TNS3: variants seen among roughly 807,000 people sequenced by gnomAD.
TNS3 encodes tensin-3.
A neutral mutation model predicts 140.9 loss-of-function variants in TNS3; 45 were observed. The observed-to-expected ratio is 0.32, with a 90% CI of 0.25 to 0.41. TNS3 has a LOEUF of 0.41. Among genes scored for constraint, TNS3 ranks in the 10% least tolerant of loss-of-function variants. The pLI is 1.00. For missense variants in TNS3, 1,716 were observed against 1,906.7 expected, an observed-to-expected ratio of 0.90 and a Z score of 1.86; for synonymous variants, 815 against 788.4, an observed-to-expected ratio of 1.03 and a Z score of -0.56.
chr7:47,510,966 C>T (rs1261263499), intron 2 of TNS3, among the ~76,000 whole-genome samples: 1 of 151,902 alleles, frequency 6.6e-6, no homozygotes. Flanking sequence ...GGGGATTTTC[C>T]TGAGATTGTA....
intron 25 of TNS3, 39 bp downstream of exon 25, chr7:47,293,694 G>T: frequency 1.3e-6 from 2 of 1,579,028 alleles, no homozygotes; most frequent in South Asian, 1.1e-5. Context: ...CAGGCCTCAT[G>T]AGTTCAGAAC....
At chr7:47,312,047 G>T (rs1787135280) in intron 20 of TNS3, among the ~76,000 whole-genome samples, 1 of 152,152 alleles carries the variant, frequency 6.6e-6, no homozygotes, top group Non-Finnish European at 1.5e-5. Flanking sequence ...ATACTGTTAA[G>T]ACCCTTGGGA....
At chr7:47,379,623 T>C (rs1791626794) in intron 16 of TNS3, among the ~76,000 whole-genome samples, 1 of 152,152 alleles carries the variant, frequency 6.6e-6, no homozygotes, top group Non-Finnish European at 1.5e-5. Context: ...TAAAAGACGG[T>C]AATAAACTCT....
intron 16 of TNS3, among the ~76,000 whole-genome samples, chr7:47,373,577 G>C (rs1791205105): frequency 6.6e-6 from 1 of 152,152 alleles, no homozygotes; most frequent in African/African-American, 2.4e-5. Context: ...CTGCATCTCA[G>C]CTCCCTCACC....
intron 1 of TNS3, among the ~76,000 whole-genome samples, chr7:47,581,216 C>T (rs1224824535): frequency 6.6e-6 from 1 of 152,114 alleles, no homozygotes; most frequent in Non-Finnish European, 1.5e-5. Flanking sequence ...GACACAGAGA[C>T]CCCTGGGCCG....
Position 47,376,726 on chromosome 7 carries a change from GACACACAC to G in TNS3, c.1025-7113_1025-7106del, listed in dbSNP as rs148067728. Among the ~76,000 whole-genome samples the G allele has an allele frequency of 2.0e-4, 29 of 144,358 alleles. 1 individual carries two copies. The East Asian group carries it at 4.9e-3, about 24-fold the overall frequency. The allele number at this position is 144,358 out of a possible 152,430, so 94.7% of individuals were successfully genotyped here. The stretch of plus-strand genomic sequence containing the variant: ...TTCACAGATCAACTATCTAGATCAA[GACACACAC>G]ACACACACACACACACACACAAACT... On this transcript the variant is annotated intron_variant, in intron 16 of 30. Transcript: ENST00000311160.
chr7:47,421,386 G>C (rs1203364189), intron 10 of TNS3, among the ~76,000 whole-genome samples: 1 of 151,844 alleles, frequency 6.6e-6, no homozygotes, highest in Non-Finnish European at 1.5e-5. Context: ...TCCCACCTCA[G>C]CTTCCAGAGT....
At chr7:47,429,343 G>A (rs946170999) in intron 8 of TNS3, among the ~76,000 whole-genome samples, 4 of 151,536 alleles carry the variant, frequency 2.6e-5, no homozygotes, top group Non-Finnish European at 4.4e-5. Context: ...AGACCACGGG[G>A]ACTGAAAAGT....
Position 47,369,419 on chromosome 7 carries a change from C to T in TNS3, c.1227G>A (p.Leu409=). Residue 409 remains leucine, a synonymous_variant, in exon 17 of 31, where the codon CTG becomes CTA. Coordinates refer to ENST00000311160, the MANE Select transcript of TNS3 (RefSeq NM_022748.12). ...SARTDKTEER[L]APGTRRGLSA... Reference sequence around the variant, plus strand: ...TCAGGCCCCTCCTGGTTCCTGGGGCCAGGCGCTCTTCCGTCTTATCCGTCC... The same window carrying T: ...TCAGGCCCCTCCTGGTTCCTGGGGCTAGGCGCTCTTCCGTCTTATCCGTCC... 6.2e-7 allele frequency: 1 copy of T among 1,614,090 alleles called. No homozygotes were observed. Among genetic ancestry groups the T allele is most frequent in the South Asian group, 1.1e-5 (1 of 91,072 alleles).
intron 13 of TNS3, chr7:47,405,650 A>T: frequency 1.4e-6 from 1 of 697,988 alleles, no homozygotes; most frequent in Non-Finnish European, 2.6e-6. Context: ...ATTAAGACCC[A>T]GCCCAGTCTA....
chr7:47,369,693 G>T, intron 16 of TNS3, 72 bp from the exon 17 acceptor site: 1 of 1,453,298 alleles, frequency 6.9e-7, no homozygotes, highest in South Asian at 1.4e-5. Context: ...CTGAATGGGC[G>T]TGTGCATCTG....
chr7:47,499,923 G>A lies in TNS3; in HGVS notation c.-115+6984C>T, dbSNP rs146289473. ...GTGCGGCGATGCTGACGGCAGGAGA[G>A]TGTGTGTCTCTGTGCGTGAATATGC... is the stretch of plus-strand genomic sequence containing the variant. On this transcript the variant is annotated intron_variant, in intron 3 of 30. Coordinates refer to ENST00000311160, the MANE Select transcript of TNS3 (RefSeq NM_022748.12). 4.2e-3 allele frequency among the ~76,000 whole-genome samples: 639 copies of A among 152,258 alleles called. 5 individuals are homozygous for A. Among genetic ancestry groups the A allele is most frequent in the African/African-American group, 0.014 (598 of 41,534 alleles).
chr7:47,564,226 G>C (rs1800378115), intron 1 of TNS3, among the ~76,000 whole-genome samples: 1 of 148,510 alleles, frequency 6.7e-6, no homozygotes, highest in Non-Finnish European at 1.5e-5. Context: ...ATTTAAATCA[G>C]TGGACTTTGA....
intron 20 of TNS3, among the ~76,000 whole-genome samples, chr7:47,334,990 G>C (rs527416229): frequency 9.3e-4 from 142 of 152,288 alleles, no homozygotes; most frequent in African/African-American, 3.2e-3. Context: ...TTAAGGATCA[G>C]CTAAGAAACA....
intron 8 of TNS3, among the ~76,000 whole-genome samples, chr7:47,429,897 C>A (rs1431361331): frequency 2.6e-5 from 4 of 152,158 alleles, no homozygotes; most frequent in Non-Finnish European, 5.9e-5. Flanking sequence ...ATACTCAATG[C>A]GGGCACTTGA....
chr7:47,375,362 G>T (rs186544088), intron 16 of TNS3, among the ~76,000 whole-genome samples: 152 of 152,302 alleles, frequency 1.0e-3, no homozygotes, highest in Non-Finnish European at 1.8e-3. Flanking sequence ...CTGGTGGCCA[G>T]ATCTTAGTTA....
chr7:47,418,545 T>TTAGA (rs1284207869), intron 10 of TNS3, among the ~76,000 whole-genome samples: 1 of 152,218 alleles, frequency 6.6e-6, no homozygotes, highest in Non-Finnish European at 1.5e-5. Context: ...GCTGGAAAGA[T>TTAGA]TAGAAACCAG....
At chr7:47,570,134 G>C (rs1175662197) in intron 1 of TNS3, among the ~76,000 whole-genome samples, 3 of 152,244 alleles carry the variant, frequency 2.0e-5, no homozygotes, top group Admixed American at 6.5e-5. Context: ...TGGGCGACAA[G>C]AGCGAGACTC....
chr7:47,390,688 T>C (rs1792460664), intron 16 of TNS3, among the ~76,000 whole-genome samples: 1 of 151,976 alleles, frequency 6.6e-6, no homozygotes, highest in Non-Finnish European at 1.5e-5. Flanking sequence ...AGGACAAGAG[T>C]GACAGAGCAG....
Sources: gnomAD v4.1 joint callset for allele counts (sites outside exome capture counted in the v4.1 genomes callset) on GRCh38, gnomAD v4.1.1 for gene constraint, MANE v1.5 for transcripts, NCBI Gene and HGNC (gene_info 2026-07-23, HGNC 2026-07-21) for gene names.